GGACT: variants seen among roughly 807,000 people sequenced by gnomAD.
GGACT encodes gamma-glutamylaminecyclotransferase.
For missense variants in GGACT, 241 were observed against 233.2 expected, an observed-to-expected ratio of 1.03 and a Z score of -0.22; for synonymous variants, 118 against 115.3, an observed-to-expected ratio of 1.02 and a Z score of -0.15.
intron 1 of GGACT, chr13:100,586,578 G>C (rs1279695719): frequency 4.4e-5 from 6 of 137,632 alleles, no homozygotes; most frequent in African/African-American, 1.4e-4. Flanking sequence ...TCTTATTTTT[G>C]CTCATGGTGT....
At chr13:100,540,828 G>A (rs970760016) in intron 2 of GGACT, among the ~76,000 whole-genome samples, 10 of 152,222 alleles carry the variant, frequency 6.6e-5, no homozygotes, top group Non-Finnish European at 1.0e-4. Flanking sequence ...GCAGCAGAAT[G>A]TGCCTGTGAT....
In GGACT at chr13:100,536,454, T is replaced by C. The variant is rs556916159; in HGVS notation, c.-10-3853A>G. 15 of 152,112 alleles carry C rather than the reference T, an allele frequency of 9.9e-5. No individual in the cohort carries two copies. In the East Asian group the frequency reaches 2.5e-3, roughly 25 times the overall value. 9.4% of individuals were successfully genotyped at this position (152,112 alleles called of 1,614,324 possible). On this transcript the variant is annotated intron_variant, in intron 2 of 2. Transcript: ENST00000683975. ...TCTGCTTTATCTTGCATTTCTTCTATTAAAAATTTTTTTGCCATGATATTT... is the reference window on the plus strand; with the variant it reads ...TCTGCTTTATCTTGCATTTCTTCTACTAAAAATTTTTTTGCCATGATATTT...
intron 2 of GGACT, among the ~76,000 whole-genome samples, chr13:100,571,145 A>C (rs1425585369): frequency 1.3e-5 from 2 of 152,184 alleles, no homozygotes; most frequent in African/African-American, 4.8e-5. Flanking sequence ...GAAGGGAAAA[A>C]AGGGAAGATA....
chr13:100,577,536 T>TA (rs1218739479), intron 2 of GGACT, among the ~76,000 whole-genome samples: 3 of 152,050 alleles, frequency 2.0e-5, no homozygotes, highest in African/African-American at 4.8e-5. Flanking sequence ...TATATTTATG[T>TA]AAAAAACCCT....
At chr13:100,532,641 G>A (rs2088429719) in intron 2 of GGACT, 40 bp from the exon 3 acceptor site, 2 of 1,460,422 alleles carry the variant, frequency 1.4e-6, no homozygotes, top group Non-Finnish European at 1.8e-6. Context: ...CCCGCAGTGG[G>A]AGCTCTGTGT....
Position 100,534,702 on chromosome 13 carries a change from C to A in GGACT, c.-10-2101G>T, listed in dbSNP as rs1389019570. On this transcript the variant is annotated intron_variant, in intron 2 of 2. Transcript: ENST00000683975. This position sits in a 1 kb window ranked among gnomAD's most constrained non-coding sequence, Gnocchi z 4.9. Reference sequence around the variant, plus strand: ...ACCTGCATCCCAGCCCCCAGCGAGACCCATCAGCACTTCCCCTGCCACGTC... The same window carrying A: ...ACCTGCATCCCAGCCCCCAGCGAGAACCATCAGCACTTCCCCTGCCACGTC... Among the ~76,000 whole-genome samples, 1 of 152,144 alleles carries A rather than the reference C, an allele frequency of 6.6e-6. No individual in the cohort carries two copies. Among genetic ancestry groups the A allele is most frequent in the Non-Finnish European group, 1.5e-5 (1 of 68,024 alleles).
At chr13:100,535,691 A>T (rs555408767) in intron 2 of GGACT, 1 of 152,306 alleles carries the variant, frequency 6.6e-6, no homozygotes, top group African/African-American at 2.4e-5. Flanking sequence ...CGGCATTAGA[A>T]CCATGCAAAC....
intron 2 of GGACT, among the ~76,000 whole-genome samples, chr13:100,581,133 TAC>T (rs1250228406): frequency 6.6e-6 from 1 of 152,210 alleles, no homozygotes; most frequent in Non-Finnish European, 1.5e-5. Flanking sequence ...TATGTGTATA[TAC>T]ACAGGTCAGT....
At chr13:100,550,041 A>T (rs547477872) in intron 2 of GGACT, among the ~76,000 whole-genome samples, 73 of 152,298 alleles carry the variant, frequency 4.8e-4, no homozygotes, top group African/African-American at 1.7e-3. Flanking sequence ...TTAAGACTCA[A>T]CTACAAGGAA....
chr13:100,532,650 GTC>G, intron 2 of GGACT, 49 bp from the exon 3 acceptor site: 1 of 1,418,514 alleles, frequency 7.0e-7, no homozygotes, highest in African/African-American at 1.4e-5. Context: ...GGAGCTCTGT[GTC>G]TGCACCTGGG....
rs572114084 is a variant in GGACT at position 100,575,582 on chromosome 13, T to C, written c.-11+8243A>G. On this transcript the variant is annotated intron_variant, in intron 2 of 2. Coordinates refer to ENST00000683975, the MANE Select transcript of GGACT (RefSeq NM_001195087.2). ...TATGATGGGATCAGCCCAGGCAACA[T>C]AGCAAGGCTCCATCTCTACAAAAAA... 7.5e-4 allele frequency among the ~76,000 whole-genome samples: 114 copies of C among 152,140 alleles called. 1 individual carries two copies. The highest frequency in any genetic ancestry group is 6.2e-4 in the Non-Finnish European group (42 of 67,996).
chr13:100,569,336 G>C (rs1361333060), intron 2 of GGACT, among the ~76,000 whole-genome samples: 10 of 152,382 alleles, frequency 6.6e-5, no homozygotes, highest in African/African-American at 2.4e-4. Flanking sequence ...CTAGGCAGAG[G>C]TTCCCAAACC....
intron 2 of GGACT, among the ~76,000 whole-genome samples, chr13:100,549,004 C>CCTA (rs1335494863): frequency 6.6e-6 from 1 of 152,202 alleles, no homozygotes; most frequent in African/African-American, 2.4e-5. Context: ...ATTTAAAATC[C>CCTA]CTAGGAATGC....
intron 1 of GGACT, among the ~76,000 whole-genome samples, chr13:100,584,546 T>A (rs1875509472): frequency 6.6e-6 from 1 of 152,114 alleles, no homozygotes; most frequent in African/African-American, 2.4e-5. Flanking sequence ...AAAGCAGGAA[T>A]AAGATCTAGT....
chr13:100,581,227 C>A (rs934442883), intron 2 of GGACT, among the ~76,000 whole-genome samples: 3 of 152,222 alleles, frequency 2.0e-5, no homozygotes, highest in African/African-American at 7.2e-5. Context: ...CACCAGCATC[C>A]AGCTTGTGGT....
chr13:100,588,326 C>T (rs1875643797), intron 1 of GGACT, among the ~76,000 whole-genome samples: 1 of 152,174 alleles, frequency 6.6e-6, no homozygotes, highest in South Asian at 2.1e-4. Flanking sequence ...TCCTTACAAA[C>T]AGGAAATCTT....
rs755235689 is a variant in GGACT at position 100,550,299 on chromosome 13, TACACACACACACACACAC to T, written c.-10-17716_-10-17699del. On this transcript the variant is annotated intron_variant, in intron 2 of 2. Coordinates refer to ENST00000683975, the MANE Select transcript of GGACT (RefSeq NM_001195087.2). ...AATTAAATCCGAGCCGATTATACTC[TACACACACACACACACAC>T]ACACACACACACACACACACACACA... Among the ~76,000 whole-genome samples, 166 of 27,258 alleles carry T rather than the reference TACACACACACACACACAC, an allele frequency of 6.1e-3. 4 individuals are homozygous for T. The highest frequency in any genetic ancestry group is 0.028 in the African/African-American group (159 of 5,730). 17.9% of individuals were successfully genotyped at this position (27,258 alleles called of 152,430 possible). A position where few individuals can be genotyped will look rare whatever the true frequency, so the allele number is the denominator to read the frequency against.
intron 2 of GGACT, among the ~76,000 whole-genome samples, chr13:100,549,283 G>A (rs1392703698): frequency 6.6e-6 from 1 of 152,240 alleles, no homozygotes; most frequent in Non-Finnish European, 1.5e-5. Context: ...AGGTTGCAGT[G>A]AGCCGAGATT....
intron 2 of GGACT, among the ~76,000 whole-genome samples, chr13:100,546,394 A>G (rs1335047106): frequency 1.3e-5 from 2 of 151,106 alleles, no homozygotes; most frequent in African/African-American, 4.9e-5. Context: ...AGAAATACGC[A>G]TGTGTAAGTT....
Sources: gnomAD v4.1 joint callset for allele counts (sites outside exome capture counted in the v4.1 genomes callset) on GRCh38, gnomAD v4.1.1 for gene constraint, Gnocchi (gnomAD v3.1) non-coding constraint, MANE v1.5 for transcripts, NCBI Gene and HGNC (gene_info 2026-07-23, HGNC 2026-07-21) for gene names.